Variants in ITGA2 observed in about 807,000 individuals in gnomAD.
The protein encoded by ITGA2 is integrin subunit alpha 2.
In ITGA2, 101 loss-of-function variants were observed where a neutral mutation model predicts 146.3. The ratio of observed to expected loss-of-function variants is 0.69; its 90% CI spans 0.59 to 0.81. The LOEUF is 0.81. Ranked by LOEUF, ITGA2 falls within the 40% of genes least tolerant of loss-of-function variation. ITGA2 has a pLI of 0.00. For missense variants in ITGA2, 1,281 were observed against 1,402.7 expected (o/e 0.91, Z 1.39); for synonymous variants, 477 against 487.1 (o/e 0.98, Z 0.27).
chr5:53,035,673 CG>C (rs1282846077), intron 2 of ITGA2, among the ~76,000 whole-genome samples: 15 of 152,266 alleles, frequency 9.9e-5, no homozygotes, highest in African/African-American at 3.1e-4. Flanking sequence ...GCAGCCTTCA[CG>C]GGTGAATTCT....
intron 1 of ITGA2, chr5:52,989,987 C>A: frequency 5.0e-6 from 1 of 200,678 alleles, no homozygotes; most frequent in East Asian, 1.1e-4. Context: ...TGATGGCGGC[C>A]TGCAGCTCCC....
At chr5:53,066,875 A>C in intron 15 of ITGA2, among the ~76,000 whole-genome samples, 1 of 151,868 alleles carries the variant, frequency 6.6e-6, no homozygotes, top group East Asian at 1.9e-4. Flanking sequence ...CCAGAACCTA[A>C]AGTATAATAA....
chr5:53,000,975 C>T (rs555058246), intron 1 of ITGA2, among the ~76,000 whole-genome samples: 1 of 138,958 alleles, frequency 7.2e-6, no homozygotes, highest in African/African-American at 2.7e-5. Flanking sequence ...AATCTTGGCT[C>T]ACTGCAACTT....
chr5:53,058,110 A>G lies in ITGA2; in HGVS notation c.1173+9A>G, dbSNP rs756361587. 1.9e-6 allele frequency: 3 copies of G among 1,596,916 alleles called. No individual in the cohort carries two copies. Among genetic ancestry groups the G allele is most frequent in the Non-Finnish European group, 2.6e-6 (3 of 1,165,212 alleles). On this transcript the variant is annotated intron_variant, in intron 10 of 29. Transcript: ENST00000296585. ...ATTACTCTTCTCAAAATGTGCGTAT[A>G]TCAGATAGCTTCAAGCCATGTTGTC...
At chr5:53,058,228 C>A in intron 10 of ITGA2, 127 bp downstream of exon 10, 2 of 747,742 alleles carry the variant, frequency 2.7e-6, no homozygotes, top group Non-Finnish European at 4.8e-6. Flanking sequence ...TAGTCACGGT[C>A]ATTTAGTTTC....
chr5:53,090,368 G>T, intron 29 of ITGA2, 151 bp from the exon 30 acceptor site: 1 of 721,130 alleles, frequency 1.4e-6, no homozygotes, highest in East Asian at 2.7e-5. Context: ...TCTAGCAGGT[G>T]GTAGATATCA....
intron 2 of ITGA2, among the ~76,000 whole-genome samples, chr5:53,038,965 TGTCTATAATCCCAGCTATTCAG>T (rs1486089379): frequency 1.3e-5 from 2 of 152,114 alleles, no homozygotes; most frequent in Admixed American, 1.3e-4. Context: ...TAGTGGTACA[TGTCTATAATCCCAGCTATTCAG>T]GAGGCTGAGG....
At chr5:53,030,284 T>A (rs1743163844) in intron 2 of ITGA2, among the ~76,000 whole-genome samples, 1 of 152,246 alleles carries the variant, frequency 6.6e-6, no homozygotes, top group South Asian at 2.1e-4. Context: ...CCAGGGACAC[T>A]GGACATTTCT....
Position 53,074,396 on chromosome 5 carries a change from A to G in ITGA2, c.2583A>G (p.Thr861=), listed in dbSNP as rs374191892. Residue 861 remains threonine (T), a synonymous_variant, in exon 21 of 30, where the codon ACA becomes ACG. Transcript: ENST00000296585. ...FASFSLPVDG[T]EVTCQVAASQ... Reference sequence around the variant, plus strand: ...TTGGTCTTGTTCAGGTTGATGGGACAGAAGTAACATGCCAGGTGGCTGCAT... The same window carrying G: ...TTGGTCTTGTTCAGGTTGATGGGACGGAAGTAACATGCCAGGTGGCTGCAT... 1.6e-5 allele frequency: 25 copies of G among 1,612,174 alleles called. No homozygotes were observed. The highest frequency in any genetic ancestry group is 2.0e-5 in the Non-Finnish European group (24 of 1,178,862).
At chr5:53,001,482 C>T (rs746247577) in intron 1 of ITGA2, among the ~76,000 whole-genome samples, 2 of 152,124 alleles carry the variant, frequency 1.3e-5, no homozygotes, top group Non-Finnish European at 2.9e-5. Context: ...TCAGATACCC[C>T]ACTTTTGACA....
At chr5:53,080,709 G>C (rs1008366445) in intron 25 of ITGA2, 88 bp downstream of exon 25, 4 of 967,722 alleles carry the variant, frequency 4.1e-6, no homozygotes, top group African/African-American at 3.2e-5. Flanking sequence ...ACATTTTACA[G>C]ATGGGAAACA....
At chr5:53,064,886 T>C (rs2111974361) in intron 13 of ITGA2, 26 bp from the exon 14 acceptor site, 1 of 1,604,890 alleles carries the variant, frequency 6.2e-7, no homozygotes, top group East Asian at 2.2e-5. Flanking sequence ...TTTGCTTTAA[T>C]CATCCTTTTG....
intron 13 of ITGA2, among the ~76,000 whole-genome samples, chr5:53,064,115 A>C (rs1375575701): frequency 1.3e-5 from 2 of 151,928 alleles, no homozygotes; most frequent in Non-Finnish European, 2.9e-5. Context: ...TGTTTTTAAT[A>C]ATGGAGATAT....
chr5:53,087,125 T>A (rs917885003), intron 28 of ITGA2, 84 bp downstream of exon 28: 8 of 880,318 alleles, frequency 9.1e-6, no homozygotes, highest in Non-Finnish European at 1.3e-5. Context: ...TCACTCTTCT[T>A]ACCTACATGT....
chr5:52,998,160 C>T (rs1741371745), intron 1 of ITGA2, among the ~76,000 whole-genome samples: 1 of 151,936 alleles, frequency 6.6e-6, no homozygotes, highest in Non-Finnish European at 1.5e-5. Context: ...GAGCTATCAC[C>T]TTAACTCTTT....
intron 2 of ITGA2, among the ~76,000 whole-genome samples, chr5:53,029,322 G>A (rs1185230387): frequency 1.3e-5 from 2 of 152,044 alleles, no homozygotes; most frequent in African/African-American, 4.8e-5. Flanking sequence ...ATTCCTTAAA[G>A]GATGCTCTGC....
At chr5:53,020,535 T>C in intron 1 of ITGA2, among the ~76,000 whole-genome samples, 1 of 152,152 alleles carries the variant, frequency 6.6e-6, no homozygotes, top group East Asian at 1.9e-4. Context: ...TATATATTTG[T>C]GCATGTGACA....
intron 2 of ITGA2, among the ~76,000 whole-genome samples, chr5:53,032,742 C>T (rs1190279207): frequency 6.6e-6 from 1 of 152,020 alleles, no homozygotes; most frequent in African/African-American, 2.4e-5. Flanking sequence ...TTGGCTTTAC[C>T]ATCAGCTGTT....
At chr5:52,995,263 G>C (rs1264324570) in intron 1 of ITGA2, among the ~76,000 whole-genome samples, 1 of 152,202 alleles carries the variant, frequency 6.6e-6, no homozygotes, top group Non-Finnish European at 1.5e-5. Context: ...AGGGCCTTGA[G>C]CAGGGGAGTG....
Sources: allele counts gnomAD v4.1 joint callset (sites outside exome capture counted in the v4.1 genomes callset), GRCh38; gene constraint gnomAD v4.1.1; transcripts MANE v1.5; gene names NCBI Gene and HGNC (gene_info 2026-07-23, HGNC 2026-07-21).